GRID1: variants seen among roughly 807,000 people sequenced by gnomAD.
GRID1 encodes the protein glutamate receptor ionotropic, delta-1.
GRID1 carries 28 observed loss-of-function variants against 98.0 expected under a neutral mutation model. The ratio of observed to expected loss-of-function variants is 0.29; its 90% CI spans 0.21 to 0.39. GRID1 has a LOEUF of 0.39. Among genes scored for constraint, GRID1 ranks in the 10% least tolerant of loss-of-function variants. The pLI, the probability that GRID1 is intolerant of heterozygous loss-of-function variation, is 1.00. For synonymous variants in GRID1, 553 were observed against 538.5 expected, an observed-to-expected ratio of 1.03 and a Z score of -0.37; for missense variants, 1,111 against 1,340.5, an observed-to-expected ratio of 0.83 and a Z score of 2.67.
intron 4 of GRID1, among the ~76,000 whole-genome samples, chr10:86,041,476 G>A (rs1843344236): frequency 6.6e-6 from 1 of 152,160 alleles, no homozygotes; most frequent in South Asian, 2.1e-4. Flanking sequence ...TGTGTATTGG[G>A]TAGAGACCTG....
intron 4 of GRID1, among the ~76,000 whole-genome samples, chr10:86,060,659 G>A (rs947169114): frequency 6.6e-6 from 1 of 152,198 alleles, no homozygotes; most frequent in Non-Finnish European, 1.5e-5. Context: ...CGCTGGCCTG[G>A]ACTGGTTTCA....
Position 85,751,944 on chromosome 10 carries a change from G to A in GRID1, c.1234-22330C>T, listed in dbSNP as rs80253724. On this transcript the variant is annotated intron_variant, in intron 8 of 15. Coordinates refer to ENST00000327946, the MANE Select transcript of GRID1 (RefSeq NM_017551.3). ...GTGAACTTGCTATGGCCAAGTCAAT[G>A]ACTAGCTGAAAGTAACCATCCCCAT... 3.0e-3 allele frequency among the ~76,000 whole-genome samples: 453 copies of A among 152,256 alleles called. 3 individuals carry two copies. The highest frequency in any genetic ancestry group is 0.01 in the African/African-American group (433 of 41,550).
chr10:85,992,581 A>C (rs1842693706), intron 4 of GRID1, among the ~76,000 whole-genome samples: 1 of 146,068 alleles, frequency 6.8e-6, no homozygotes, highest in Non-Finnish European at 1.5e-5. Context: ...ATGATAACAG[A>C]GGGGACAGAG....
intron 5 of GRID1, among the ~76,000 whole-genome samples, chr10:85,910,533 G>A (rs1345874808): frequency 1.3e-5 from 2 of 152,188 alleles, no homozygotes; most frequent in African/African-American, 2.4e-5. Context: ...CTGAGTACTC[G>A]TTGGTGACAA....
intron 8 of GRID1, among the ~76,000 whole-genome samples, chr10:85,803,090 A>T (rs1842592204): frequency 1.3e-5 from 2 of 152,112 alleles, no homozygotes. Flanking sequence ...GGGTAGTTGG[A>T]GGGTAAGTGG....
intron 4 of GRID1, among the ~76,000 whole-genome samples, chr10:85,928,962 C>CAAAA (rs1259641569): frequency 6.6e-6 from 1 of 152,200 alleles, no homozygotes; most frequent in Non-Finnish European, 1.5e-5. Context: ...CTAGTTCTTG[C>CAAAA]TTTTCCTCTT....
At chr10:86,207,737 T>C (rs1056580197) in intron 2 of GRID1, among the ~76,000 whole-genome samples, 18 of 144,614 alleles carry the variant, frequency 1.2e-4, no homozygotes, top group Non-Finnish European at 4.5e-5. Context: ...GTTCACGCCA[T>C]TCTCCTGCCT....
At chr10:86,174,851 CA>C (rs1224338941) in intron 3 of GRID1, among the ~76,000 whole-genome samples, 1 of 152,082 alleles carries the variant, frequency 6.6e-6, no homozygotes, top group Non-Finnish European at 1.5e-5. Flanking sequence ...AGACACTTCT[CA>C]AAAGAAGACA....
At chr10:85,634,982 A>G (rs921734819) in intron 13 of GRID1, among the ~76,000 whole-genome samples, 44 of 137,170 alleles carry the variant, frequency 3.2e-4, no homozygotes, top group Non-Finnish European at 3.6e-4. Context: ...AGCAAATTAC[A>G]GGGCAGAGGA....
intron 4 of GRID1, among the ~76,000 whole-genome samples, chr10:86,055,148 C>T (rs1843555342): frequency 2.6e-5 from 4 of 152,320 alleles, no homozygotes; most frequent in Admixed American, 2.6e-4. Context: ...CCCAGGAAAG[C>T]AAACCTACCC....
At chr10:85,986,319 T>C (rs564170034) in intron 4 of GRID1, among the ~76,000 whole-genome samples, 1 of 152,354 alleles carries the variant, frequency 6.6e-6, no homozygotes, top group African/African-American at 2.4e-5. Flanking sequence ...AAGCCCAGAA[T>C]GTTTCCAAAT....
At chr10:85,861,135 C>A (rs1843160464) in intron 6 of GRID1, among the ~76,000 whole-genome samples, 1 of 152,198 alleles carries the variant, frequency 6.6e-6, no homozygotes, top group Admixed American at 6.5e-5. Flanking sequence ...GGATGCAGAA[C>A]ATGAGGACTA....
At chr10:86,309,369 G>C (rs1030075649) in intron 2 of GRID1, among the ~76,000 whole-genome samples, 6 of 152,168 alleles carry the variant, frequency 3.9e-5, no homozygotes, top group Admixed American at 1.3e-4. Context: ...GAGCAGTGTT[G>C]GGTCTTGTCA....
At chr10:85,934,707 T>C (rs1328913828) in intron 4 of GRID1, among the ~76,000 whole-genome samples, 1 of 152,116 alleles carries the variant, frequency 6.6e-6, no homozygotes, top group Non-Finnish European at 1.5e-5. Context: ...AAAATGAAGT[T>C]AGTATGAAAA....
intron 4 of GRID1, among the ~76,000 whole-genome samples, chr10:86,086,445 C>T (rs992428948): frequency 9.9e-5 from 15 of 152,168 alleles, no homozygotes; most frequent in Admixed American, 3.9e-4. Flanking sequence ...TAAATAGGAA[C>T]GACTGTTCCC....
intron 4 of GRID1, among the ~76,000 whole-genome samples, chr10:85,919,262 T>C (rs971367776): frequency 6.6e-6 from 1 of 152,232 alleles, no homozygotes; most frequent in African/African-American, 2.4e-5. Flanking sequence ...ATCAGACCCA[T>C]GCAGGGAAGA....
intron 5 of GRID1, among the ~76,000 whole-genome samples, chr10:85,875,758 C>G (rs547219614): frequency 2.0e-5 from 3 of 152,188 alleles, no homozygotes; most frequent in Non-Finnish European, 2.9e-5. Context: ...CCAACTAACA[C>G]GCTAAAAACC....
Position 86,261,497 on chromosome 10 carries a change from C to G in GRID1, c.236-54849G>C, listed in dbSNP as rs1292776051. On this transcript the variant is annotated intron_variant, in intron 2 of 15. Coordinates refer to ENST00000327946, the MANE Select transcript of GRID1 (RefSeq NM_017551.3). ...ACAGAGACCTCATCTGCTTTGCTCA[C>G]CTGGAGAGCACCCAATGTACTGGGA... Among the ~76,000 whole-genome samples the G allele has an allele frequency of 2.0e-5, 3 of 152,288 alleles. No individual in the cohort carries two copies. The East Asian group carries it at 5.8e-4, about 29-fold the overall frequency.
chr10:86,260,818 C>T (rs1378826129), intron 2 of GRID1, among the ~76,000 whole-genome samples: 1 of 152,254 alleles, frequency 6.6e-6, no homozygotes, highest in Non-Finnish European at 1.5e-5. Context: ...CCAGCACACA[C>T]ATGCCAAGCC....
Sources: gnomAD v4.1 joint callset for allele counts (sites outside exome capture counted in the v4.1 genomes callset) on GRCh38, gnomAD v4.1.1 for gene constraint, MANE v1.5 for transcripts, NCBI Gene and HGNC (gene_info 2026-07-23, HGNC 2026-07-21) for gene names.